The following CUZD1 variants were observed in gnomAD, a reference collection of about 807,000 sequenced individuals.
CUZD1 encodes CUB and zona pellucida-like domain-containing protein 1.
Under a neutral mutation model 53.1 loss-of-function variants are expected in CUZD1, and 42 were observed. The observed-to-expected ratio is 0.79, with a 90% CI of 0.62 to 1.02. CUZD1 has a LOEUF of 1.02. Among genes scored for constraint, CUZD1 ranks in the 50% least tolerant of loss-of-function variants. CUZD1 has a pLI of 0.00. For missense variants in CUZD1, 670 were observed against 715.7 expected (o/e 0.94, Z 0.73); for synonymous variants, 238 against 257.2 (o/e 0.93, Z 0.71).
Position 122,845,769 on chromosome 10 carries a change from C to G in CUZD1, c.75G>C (p.Glu25Asp), listed in dbSNP as rs1847429744. 6.2e-7 allele frequency: 1 copy of G among 1,613,734 alleles called. No individual in the cohort carries two copies. The highest frequency in any genetic ancestry group is 1.3e-5 in the African/African-American group (1 of 75,038). ...LSCLAELTMA[E>D]AEGNASCTVS... ...CTGGTTCAATTTTCTTACCTTCAGCCTCCGCCATTGTCAGCTCCGCCAAAC... is the reference window on the plus strand; with the variant it reads ...CTGGTTCAATTTTCTTACCTTCAGCGTCCGCCATTGTCAGCTCCGCCAAAC... The change falls in exon 1 of 9, where the codon GAG becomes GAC. Residue 25 changes from glutamate to aspartate, a missense_variant. Physicochemically the swap from Glu to Asp is conservative, Grantham distance 45. Transcript: ENST00000392790.
chr10:122,837,632 T>C, intron 3 of CUZD1, 78 bp from the exon 4 acceptor site: 1 of 1,302,064 alleles, frequency 7.7e-7, no homozygotes, highest in Non-Finnish European at 1.1e-6. Flanking sequence ...TGCATTGAGC[T>C]TAACACATCT....
intron 5 of CUZD1, 89 bp downstream of exon 5, chr10:122,836,742 A>G (rs1847257749): frequency 4.1e-6 from 4 of 982,464 alleles, no homozygotes; most frequent in African/African-American, 3.2e-5. Context: ...GCAAATAGGA[A>G]TAGCCACAGG....
At chr10:122,843,497 T>C (rs943437818) in intron 1 of CUZD1, among the ~76,000 whole-genome samples, 1 of 152,204 alleles carries the variant, frequency 6.6e-6, no homozygotes, top group Admixed American at 6.5e-5. Flanking sequence ...GAAAAAAGTT[T>C]GTACATGTTC....
At chr10:122,836,689 G>A in intron 5 of CUZD1, 142 bp downstream of exon 5, 2 of 654,562 alleles carry the variant, frequency 3.1e-6, no homozygotes, top group Non-Finnish European at 5.3e-6. Context: ...TGATTGTCAA[G>A]CTTAAGATTA....
At position 122,832,421 on chromosome 10, in the gene CUZD1, T is replaced by C. The variant is rs1406991347; in HGVS notation, c.1681A>G (p.Thr561Ala). The C allele has an allele frequency of 1.2e-6, 2 of 1,613,872 alleles. No homozygotes were observed. The highest frequency in any genetic ancestry group is 2.2e-5 in the South Asian group (2 of 91,036). The change falls in exon 9 of 9, where the codon ACT becomes GCT. Residue 561 changes from threonine (T) to alanine (A), a missense_variant. Thr to Ala is a moderately conservative substitution (Grantham distance 58). Transcript: ENST00000392790. ...ACACTGTTGAAAGGCTGGTTTGGAG[T>C]TTCTTCCGCATGTGTTTCATGCTGA... ...GFQHETHAEE[T>A]PNQPFNSVHL...
chr10:122,842,245 T>A (rs2133817947), intron 1 of CUZD1, among the ~76,000 whole-genome samples: 1 of 152,386 alleles, frequency 6.6e-6, no homozygotes, highest in East Asian at 1.9e-4. Flanking sequence ...AAAAATACTA[T>A]AGTTTTACAT....
At position 122,836,894 on chromosome 10, in the gene CUZD1, C is replaced by T; in HGVS notation, c.754G>A (p.Ala252Thr). Residue 252 changes from alanine to threonine, a missense_variant, in exon 5 of 9, where the codon GCC (alanine) becomes ACC (threonine). Physicochemically the swap from Ala to Thr is moderately conservative, Grantham distance 58 (BLOSUM62 0). Transcript: ENST00000392790. ...GCAGAAAATCCCCGGTAAGAATTGGCATAATCTGTAGACAACACGACAGTC... is the reference window on the plus strand; with the variant it reads ...GCAGAAAATCCCCGGTAAGAATTGGTATAATCTGTAGACAACACGACAGTC... ...SLTVVLSTDYANSYRGFSASY... is the reference protein window; with the variant it reads ...SLTVVLSTDYTNSYRGFSASY... 6.2e-7 allele frequency: 1 copy of T among 1,614,060 alleles called. No homozygotes were observed. The highest frequency in any genetic ancestry group is 2.2e-5 in the East Asian group (1 of 44,884).
At chr10:122,837,251 A>G (rs771519357) in intron 4 of CUZD1, among the ~76,000 whole-genome samples, 153 bp downstream of exon 4, 1 of 152,202 alleles carries the variant, frequency 6.6e-6, no homozygotes, top group Admixed American at 6.5e-5. Context: ...ACTTAGTTCA[A>G]TGGAATAGTA....
At chr10:122,837,177 G>A (rs1449288360) in intron 4 of CUZD1, 129 bp from the exon 5 acceptor site, 3 of 872,372 alleles carry the variant, frequency 3.4e-6, no homozygotes, top group Non-Finnish European at 3.4e-6. Flanking sequence ...TCAGGTTTAC[G>A]AAGACAAACC....
rs774971390 is a variant in CUZD1 at position 122,834,991 on chromosome 10, T to A, written c.1097A>T (p.Glu366Val). The A allele has an allele frequency of 1.2e-6, 2 of 1,613,868 alleles. No individual in the cohort carries two copies. The highest frequency in any genetic ancestry group is 2.2e-5 in the South Asian group (2 of 91,040). ...CTCCACTGTAGAATTATGTCCCATT[T>A]CACACTTCACAATAATCTGGAGTTG... ...QKQLQIIVKC[E>V]MGHNSTVEII... The change falls in exon 7 of 9, where the codon GAA becomes GTA. Residue 366 changes from glutamate to valine, a missense_variant. Coordinates refer to ENST00000392790, the MANE Select transcript of CUZD1 (RefSeq NM_022034.6).
At chr10:122,839,887 T>C (rs1847310659) in intron 2 of CUZD1, among the ~76,000 whole-genome samples, 1 of 152,226 alleles carries the variant, frequency 6.6e-6, no homozygotes, top group Non-Finnish European at 1.5e-5. Context: ...ACTTACCTGC[T>C]GTATAACTTT....
At chr10:122,835,442 C>T (rs1481245028) in intron 6 of CUZD1, among the ~76,000 whole-genome samples, 1 of 152,172 alleles carries the variant, frequency 6.6e-6, no homozygotes, top group Non-Finnish European at 1.5e-5. Flanking sequence ...GTTAGTGTGG[C>T]TAACTGGGCA....
intron 5 of CUZD1, among the ~76,000 whole-genome samples, chr10:122,836,558 T>G (rs1490919979): frequency 1.3e-5 from 2 of 152,230 alleles, no homozygotes; most frequent in Non-Finnish European, 2.9e-5. Flanking sequence ...TCTGCAAACC[T>G]GATGTTTTTA....
intron 2 of CUZD1, among the ~76,000 whole-genome samples, chr10:122,839,926 C>T (rs760669158): frequency 6.6e-6 from 1 of 152,226 alleles, no homozygotes; most frequent in Non-Finnish European, 1.5e-5. Context: ...TTCTTGGCTT[C>T]AGTTTTCTCA....
intron 2 of CUZD1, among the ~76,000 whole-genome samples, chr10:122,840,781 G>A (rs1185159209): frequency 2.0e-5 from 3 of 152,160 alleles, no homozygotes; most frequent in African/African-American, 7.2e-5. Context: ...TGGGAGTCTG[G>A]ATGTGTGAAA....
chr10:122,833,045 T>C (rs1211199054), intron 8 of CUZD1, among the ~76,000 whole-genome samples: 1 of 152,210 alleles, frequency 6.6e-6, no homozygotes, highest in Non-Finnish European at 1.5e-5. Context: ...AATGAATAAA[T>C]ACAGAGATCA....
intron 1 of CUZD1, among the ~76,000 whole-genome samples, chr10:122,845,489 T>C (rs1295137418): frequency 1.3e-5 from 2 of 152,224 alleles, no homozygotes; most frequent in Non-Finnish European, 2.9e-5. Flanking sequence ...TTTATACATA[T>C]ATCTTTGGAC....
At position 122,833,880 on chromosome 10, in the gene CUZD1, C is replaced by A. The variant is rs1241804712; in HGVS notation, c.1443G>T (p.Gln481His). 1 of 1,613,780 alleles carries A rather than the reference C, an allele frequency of 6.2e-7. No individual in the cohort carries two copies. Among genetic ancestry groups the A allele is most frequent in the African/African-American group, 1.3e-5 (1 of 74,916 alleles). Reference protein sequence around the residue: ...YPLFGHYGRFQFNAFKFLRSM... With the variant: ...YPLFGHYGRFHFNAFKFLRSM... ...TTCTCAAGAATTTAAAGGCATTAAACTGGAATCTCCCATAGTGTCCAAATA... is the reference window on the plus strand; with the variant it reads ...TTCTCAAGAATTTAAAGGCATTAAAATGGAATCTCCCATAGTGTCCAAATA... Residue 481 changes from glutamine to histidine, a missense_variant, in exon 8 of 9, where the codon CAG becomes CAT. Transcript: ENST00000392790.
chr10:122,839,098 A>T lies in CUZD1; in HGVS notation c.367T>A (p.Leu123Met). Residue 123 changes from leucine (L) to methionine (M), a missense_variant, in exon 3 of 9, where the codon TTG becomes ATG. Leu to Met is a conservative substitution (Grantham distance 15, BLOSUM62 2). Transcript: ENST00000392790. ...GAGTCAGTAACTATTTGAAACGTCA[A>T]TGTACTGGATGATGATTCAAATACA... Reference protein sequence around the residue: ...VPVFESSSSTLTFQIVTDSAR... With the variant: ...VPVFESSSSTMTFQIVTDSAR... 1.2e-6 allele frequency: 2 copies of T among 1,614,150 alleles called. No individual in the cohort carries two copies. The highest frequency in any genetic ancestry group is 1.7e-6 in the Non-Finnish European group (2 of 1,179,958).
Sources: gnomAD v4.1 joint callset for allele counts (sites outside exome capture counted in the v4.1 genomes callset) on GRCh38, gnomAD v4.1.1 for gene constraint, MANE v1.5 for transcripts, NCBI Gene and HGNC (gene_info 2026-07-23, HGNC 2026-07-21) for gene names.